The following PPA1 variants were observed in gnomAD, a reference collection of about 807,000 sequenced individuals.
PPA1 encodes the protein inorganic pyrophosphatase 1, also known as inorganic pyrophosphatase.
PPA1 carries 23 observed loss-of-function variants against 41.8 expected under a neutral mutation model. The observed-to-expected ratio is 0.55, with a 90% CI of 0.40 to 0.78. The LOEUF (loss-of-function observed/expected upper bound fraction) is 0.78, where lower values mean the gene tolerates loss of function less well. Among genes scored for constraint, PPA1 ranks in the 30% least tolerant of loss-of-function variants. PPA1 has a pLI of 0.00. For synonymous variants in PPA1, 101 were observed against 116.8 expected, an observed-to-expected ratio of 0.86 and a Z score of 0.87; for missense variants, 320 against 361.6, an observed-to-expected ratio of 0.89 and a Z score of 0.93.
chr10:70,205,229 A>T (rs559207577), intron 9 of PPA1: 1 of 167,866 alleles, frequency 6.0e-6, no homozygotes, highest in South Asian at 1.8e-4. Context: ...CTAAAAATAA[A>T]AGCTGGGCAT....
At chr10:70,208,032 A>G (rs1457901453) in intron 8 of PPA1, among the ~76,000 whole-genome samples, 1 of 152,068 alleles carries the variant, frequency 6.6e-6, no homozygotes, top group Non-Finnish European at 1.5e-5. Flanking sequence ...TCTACTAAAA[A>G]TACAAAAATT....
chr10:70,209,607 T>A lies in PPA1; in HGVS notation c.590A>T (p.Asp197Val). The A allele has an allele frequency of 1.2e-6, 2 of 1,607,498 alleles. No homozygotes were observed. The highest frequency in any genetic ancestry group is 1.7e-6 in the Non-Finnish European group (2 of 1,178,240). ...CGCAAACTCATTTTCTGGTTTTCCA[T>A]CAGGAACCTTATACCTTCTAAACCA... is the stretch of plus-strand genomic sequence containing the variant. ...VDWFRRYKVP[D>V]GKPENEFAFN... Residue 197 changes from aspartate to valine, a missense_variant, in exon 7 of 11, where the codon GAT (aspartate) becomes GTT (valine). Coordinates refer to ENST00000373232, the MANE Select transcript of PPA1 (RefSeq NM_021129.4).
chr10:70,225,310 G>T (rs2394670), intron 2 of PPA1, among the ~76,000 whole-genome samples: 3 of 152,004 alleles, frequency 2.0e-5, no homozygotes, highest in Admixed American at 6.6e-5. Flanking sequence ...CTCCGTCTCC[G>T]GGGCTCAAGT....
rs1241854534 is a variant in PPA1 at position 70,233,264 on chromosome 10, T to G, written c.64A>C (p.Lys22Gln). 3 of 1,540,190 alleles carry G rather than the reference T, an allele frequency of 1.9e-6. No individual in the cohort carries two copies. The highest frequency in any genetic ancestry group is 2.6e-6 in the Non-Finnish European group (3 of 1,143,464). ...GGGGCCACGGGCCGCAGACACTCAC[T>G]GAGGAAGACTCGGTACTCCAGGGAG... ...PFSLEYRVFL[K>Q]NEKGQYISPF... The change falls in exon 1 of 11, where the codon AAA becomes CAA. Residue 22 changes from lysine to glutamine, a missense_variant and splice_region_variant. By Grantham distance (53) the Lys-to-Gln change is moderately conservative. Transcript: ENST00000373232.
intron 10 of PPA1, chr10:70,203,645 T>C (rs1169418558): frequency 6.4e-6 from 1 of 155,178 alleles, no homozygotes; most frequent in Non-Finnish European, 1.4e-5. Context: ...TGGGCTCAAG[T>C]GATCCGCCCG....
chr10:70,209,487 G>T, intron 7 of PPA1, 71 bp downstream of exon 7: 1 of 1,496,398 alleles, frequency 6.7e-7, no homozygotes, highest in African/African-American at 1.4e-5. Flanking sequence ...TCTTTAGATG[G>T]TAACAATATG....
intron 2 of PPA1, among the ~76,000 whole-genome samples, chr10:70,223,930 T>C (rs80272958): frequency 0.016 from 2,366 of 152,124 alleles, 57 homozygotes; most frequent in African/African-American, 0.054. Context: ...TGCTTTGGAG[T>C]CTCAGTCATT....
intron 2 of PPA1, among the ~76,000 whole-genome samples, chr10:70,227,650 CAAAAAA>C (rs11382289): frequency 2.0e-4 from 15 of 75,124 alleles, no homozygotes; most frequent in Middle Eastern, 0.01. Context: ...AACCCTATCT[CAAAAAA>C]AAAAAAAAAA....
chr10:70,212,063 C>G (rs1840026309), intron 6 of PPA1, among the ~76,000 whole-genome samples: 1 of 152,184 alleles, frequency 6.6e-6, no homozygotes, highest in Admixed American at 6.5e-5. Context: ...TTTCTCTGCT[C>G]TAAAGTCATC....
intron 6 of PPA1, among the ~76,000 whole-genome samples, chr10:70,212,931 T>C (rs1000485739): frequency 2.0e-5 from 3 of 151,720 alleles, no homozygotes; most frequent in Admixed American, 2.0e-4. Context: ...AGGCCACCTA[T>C]ATGATGCCAT....
chr10:70,231,705 G>T (rs1840290937), intron 1 of PPA1, among the ~76,000 whole-genome samples: 1 of 152,192 alleles, frequency 6.6e-6, no homozygotes, highest in Non-Finnish European at 1.5e-5. Context: ...ATTAAGGAAG[G>T]ATAAAGCACT....
At chr10:70,218,870 A>G in intron 2 of PPA1, 53 bp from the exon 3 acceptor site, 1 of 1,305,298 alleles carries the variant, frequency 7.7e-7, no homozygotes, top group South Asian at 1.2e-5. Flanking sequence ...TTGTTCTCTG[A>G]GGGAGCATGC....
At chr10:70,221,066 A>T (rs1672333723) in intron 2 of PPA1, among the ~76,000 whole-genome samples, 1 of 15,894 alleles carries the variant, frequency 6.3e-5, no homozygotes. Flanking sequence ...ATTTATATAT[A>T]TATATATATA....
chr10:70,230,721 A>C (rs146015200), intron 1 of PPA1, among the ~76,000 whole-genome samples: 2,390 of 152,256 alleles, frequency 0.016, 60 homozygotes, highest in African/African-American at 0.055. Flanking sequence ...TGCCCACCTC[A>C]GCCTCCCAAA....
At chr10:70,218,558 A>G (rs1840103109) in intron 3 of PPA1, 3 of 530,448 alleles carry the variant, frequency 5.7e-6, no homozygotes, top group Non-Finnish European at 1.0e-5. Flanking sequence ...GTTGGGAAGA[A>G]AAGTTTGGGG....
At chr10:70,221,068 A>T (rs1564584606) in intron 2 of PPA1, among the ~76,000 whole-genome samples, 28 of 16,074 alleles carry the variant, frequency 1.7e-3, no homozygotes, top group South Asian at 0.013. Context: ...TTATATATAT[A>T]TATATATATT....
intron 6 of PPA1, 53 bp from the exon 7 acceptor site, chr10:70,209,738 AAGAAG>A (rs1282945430): frequency 1.1e-5 from 17 of 1,514,320 alleles, no homozygotes; most frequent in Non-Finnish European, 1.4e-5. Context: ...TTTAAAAAGA[AAGAAG>A]AGAATAAGCA....
chr10:70,232,310 T>C (rs1840296949), intron 1 of PPA1, among the ~76,000 whole-genome samples: 1 of 152,140 alleles, frequency 6.6e-6, no homozygotes, highest in Non-Finnish European at 1.5e-5. Context: ...GAGGTTACAA[T>C]AGAAGCGCCT....
chr10:70,213,288 A>G (rs1840042996), intron 6 of PPA1, among the ~76,000 whole-genome samples, 175 bp downstream of exon 6: 1 of 152,258 alleles, frequency 6.6e-6, no homozygotes, highest in East Asian at 1.9e-4. Context: ...AATGAAGGAG[A>G]AAGTTTACTT....
Sources: allele counts gnomAD v4.1 joint callset (sites outside exome capture counted in the v4.1 genomes callset), GRCh38; gene constraint gnomAD v4.1.1; transcripts MANE v1.5; gene names NCBI Gene and HGNC (gene_info 2026-07-23, HGNC 2026-07-21).